Variants in KCNIP4 observed in about 807,000 individuals in gnomAD.
The protein encoded by KCNIP4 is potassium voltage-gated channel interacting protein 4.
KCNIP4 carries 12 observed loss-of-function variants against 34.0 expected under a neutral mutation model. The observed-to-expected ratio is 0.35, with a 90% CI of 0.23 to 0.57. KCNIP4 has a LOEUF of 0.57. Among genes scored for constraint, KCNIP4 ranks in the 20% least tolerant of loss-of-function variants. The probability of loss-of-function intolerance (pLI) is 0.83; values close to 1 mark genes in which losing one functional copy is unlikely to be tolerated. For synonymous variants in KCNIP4, 124 were observed against 102.2 expected, an observed-to-expected ratio of 1.21 and a Z score of -1.29; for missense variants, 238 against 311.7, an observed-to-expected ratio of 0.76 and a Z score of 1.78.
chr4:21,088,788 G>A (rs544314326), intron 1 of KCNIP4, among the ~76,000 whole-genome samples: 1 of 151,772 alleles, frequency 6.6e-6, no homozygotes, highest in East Asian at 1.9e-4. Context: ...TTTTCCCCCC[G>A]CCCATATCAA....
intron 1 of KCNIP4, among the ~76,000 whole-genome samples, chr4:21,100,979 T>G (rs1747884354): frequency 6.6e-6 from 1 of 152,168 alleles, no homozygotes; most frequent in South Asian, 2.1e-4. Context: ...TCTTAAAATT[T>G]TATCTATTGA....
intron 1 of KCNIP4, among the ~76,000 whole-genome samples, chr4:21,607,621 C>T (rs1743813718): frequency 6.6e-6 from 1 of 151,854 alleles, no homozygotes; most frequent in Non-Finnish European, 1.5e-5. Flanking sequence ...CTCCGGGAAT[C>T]CTTGCATGGG....
intron 1 of KCNIP4, among the ~76,000 whole-genome samples, chr4:21,080,086 A>G (rs1745869477): frequency 6.6e-6 from 1 of 151,886 alleles, no homozygotes; most frequent in African/African-American, 2.4e-5. Context: ...AAACAAATAC[A>G]TTCTGCAACT....
At chr4:21,079,965 T>C (rs192741892) in intron 1 of KCNIP4, among the ~76,000 whole-genome samples, 29 of 151,992 alleles carry the variant, frequency 1.9e-4, no homozygotes, top group Non-Finnish European at 1.9e-4. Context: ...GACATCTGAT[T>C]TTAGCTTAGT....
intron 1 of KCNIP4, among the ~76,000 whole-genome samples, chr4:21,861,850 G>T (rs1725096726): frequency 6.6e-6 from 1 of 152,012 alleles, no homozygotes; most frequent in South Asian, 2.1e-4. Context: ...TCACTTTTCT[G>T]CTCAAGAAGT....
At chr4:21,206,689 T>C (rs1156764) in intron 1 of KCNIP4, among the ~76,000 whole-genome samples, 79,525 of 152,082 alleles carry the variant, frequency 0.52, 23,379 homozygotes, top group African/African-American at 0.81. Context: ...TATATTTCAT[T>C]AACAGTACAT....
chr4:21,655,348 A>C (rs549063192), intron 1 of KCNIP4, among the ~76,000 whole-genome samples: 1 of 152,208 alleles, frequency 6.6e-6, no homozygotes, highest in African/African-American at 2.4e-5. Flanking sequence ...CCCCATCAAA[A>C]GCCGAAATGA....
At chr4:21,582,447 C>T (rs890093640) in intron 1 of KCNIP4, 2 of 151,774 alleles carry the variant, frequency 1.3e-5, no homozygotes, top group African/African-American at 4.8e-5. Context: ...ATTTTTTTAA[C>T]CTAATTTTCT....
intron 1 of KCNIP4, among the ~76,000 whole-genome samples, chr4:21,461,972 A>T (rs1035822910): frequency 6.6e-6 from 1 of 152,070 alleles, no homozygotes. Context: ...CAATATATGT[A>T]TATAATGCAT....
intron 1 of KCNIP4, among the ~76,000 whole-genome samples, chr4:21,816,112 G>A (rs1721970957): frequency 1.3e-5 from 2 of 152,092 alleles, no homozygotes; most frequent in Non-Finnish European, 2.9e-5. Context: ...ATCAAAGCCA[G>A]AGTTATGAAC....
intron 1 of KCNIP4, among the ~76,000 whole-genome samples, chr4:21,820,306 T>G (rs1056027167): frequency 7.3e-6 from 1 of 137,872 alleles, no homozygotes; most frequent in Non-Finnish European, 1.6e-5. Context: ...TATATATATA[T>G]ATATATATAT....
chr4:21,674,164 A>G (rs1749707387), intron 1 of KCNIP4, among the ~76,000 whole-genome samples: 1 of 152,166 alleles, frequency 6.6e-6, no homozygotes, highest in African/African-American at 2.4e-5. Context: ...TGCTATATGT[A>G]TTGAATTTGT....
intron 3 of KCNIP4, among the ~76,000 whole-genome samples, chr4:20,764,681 G>GACACACACACACACACACAC (rs5856578): frequency 4.8e-5 from 7 of 147,220 alleles, no homozygotes; most frequent in East Asian, 2.0e-4. Flanking sequence ...ATGGGAATTG[G>GACACACACACACACACACAC]ACACACACAC....
intron 1 of KCNIP4, among the ~76,000 whole-genome samples, chr4:21,115,883 T>G (rs992698653): frequency 2.0e-4 from 30 of 152,334 alleles, no homozygotes; most frequent in Middle Eastern, 6.8e-3. Flanking sequence ...TAATAATCCT[T>G]AACAGATATA....
chr4:21,133,972 G>T (rs1751300016), intron 1 of KCNIP4, among the ~76,000 whole-genome samples: 1 of 152,142 alleles, frequency 6.6e-6, no homozygotes, highest in African/African-American at 2.4e-5. Flanking sequence ...CTGGAGGAAA[G>T]AATGTCTTTC....
chr4:20,865,274 T>A (rs900808821), intron 2 of KCNIP4, among the ~76,000 whole-genome samples: 2 of 152,006 alleles, frequency 1.3e-5, no homozygotes, highest in Non-Finnish European at 2.9e-5. Flanking sequence ...ATCATAGGCA[T>A]ATTAGAGAAA....
chr4:20,784,864 G>A (rs546581835), intron 3 of KCNIP4, among the ~76,000 whole-genome samples: 198 of 152,274 alleles, frequency 1.3e-3, no homozygotes, highest in Non-Finnish European at 1.4e-3. Flanking sequence ...CTGGGAAGAG[G>A]AGAATTAAGA....
intron 1 of KCNIP4, among the ~76,000 whole-genome samples, chr4:21,087,685 A>G (rs778579388): frequency 1.3e-5 from 2 of 152,104 alleles, no homozygotes; most frequent in Non-Finnish European, 2.9e-5. Context: ...CACAATTCCA[A>G]CACAACCAGG....
intron 1 of KCNIP4, among the ~76,000 whole-genome samples, chr4:20,986,535 GT>G (rs1736595256): frequency 6.6e-6 from 1 of 152,166 alleles, no homozygotes; most frequent in Non-Finnish European, 1.5e-5. Flanking sequence ...ATGTAAACAT[GT>G]CTTTTAATCC....
Sources: gnomAD v4.1 joint callset for allele counts (sites outside exome capture counted in the v4.1 genomes callset) on GRCh38, gnomAD v4.1.1 for gene constraint, MANE v1.5 for transcripts, NCBI Gene and HGNC (gene_info 2026-07-23, HGNC 2026-07-21) for gene names.